GOT1: variants seen among roughly 807,000 people sequenced by gnomAD.
GOT1 encodes the protein aspartate aminotransferase, cytoplasmic.
Under a neutral mutation model 48.2 loss-of-function variants are expected in GOT1, and 25 were observed. That is an observed-to-expected ratio of 0.52 (90% CI 0.38 to 0.72). The LOEUF (loss-of-function observed/expected upper bound fraction) is 0.72. Ranked by LOEUF, GOT1 falls within the 30% of genes least tolerant of loss-of-function variation. GOT1 has a pLI of 0.00. For missense variants in GOT1, 380 were observed against 520.1 expected (o/e 0.73, Z 2.62); for synonymous variants, 188 against 193.8 (o/e 0.97, Z 0.25).
chr10:99,430,568 CGA>C lies in GOT1; in HGVS notation c.-5_-4del, dbSNP rs1487607515. The C allele has an allele frequency of 3.8e-6, 6 of 1,592,566 alleles. No individual in the cohort carries two copies. The highest frequency in any genetic ancestry group is 5.1e-6 in the Non-Finnish European group (6 of 1,167,896). On this transcript the variant is annotated 5_prime_UTR_variant, in exon 1 of 9. Transcript: ENST00000370508. ...GCAAAGACTGACGGAGGTGCCATAT[CGA>C]GAGACTAGGAATCAAGAGATTTCAC...
rs2032614729 is a variant in GOT1, at chr10:99,397,396, T to TG, written c.*150dup. The stretch of plus-strand genomic sequence containing the variant: ...CGTCTCAAGGGATGTTCTCTTCATG[T>TG]GGGGCCGGTTTAAACAGAGGCTGCC... On this transcript the variant is annotated 3_prime_UTR_variant, in exon 9 of 9. Transcript: ENST00000370508. The surrounding 1 kb of genome is among the most constrained non-coding windows in gnomAD (Gnocchi z 5.4). 1 of 764,910 alleles carries TG rather than the reference T, an allele frequency of 1.3e-6. No homozygotes were observed. The highest frequency in any genetic ancestry group is 2.2e-6 in the Non-Finnish European group (1 of 448,758). 47.4% of individuals were successfully genotyped at this position (764,910 alleles called of 1,614,324 possible). A position where few individuals can be genotyped will look rare whatever the true frequency, so the allele number is the denominator to read the frequency against.
chr10:99,426,005 T>C (rs1452289257), intron 1 of GOT1, among the ~76,000 whole-genome samples: 1 of 152,192 alleles, frequency 6.6e-6, no homozygotes, highest in Non-Finnish European at 1.5e-5. Context: ...ACCCACAAAA[T>C]AGATATTGTG....
chr10:99,400,258 TAAC>T (rs2032654327), intron 8 of GOT1, among the ~76,000 whole-genome samples: 1 of 152,236 alleles, frequency 6.6e-6, no homozygotes, highest in African/African-American at 2.4e-5. Context: ...AGAAAAAAGA[TAAC>T]AAAGGAAGTA....
At chr10:99,410,538 T>C (rs1451832195) in intron 2 of GOT1, among the ~76,000 whole-genome samples, 1 of 152,222 alleles carries the variant, frequency 6.6e-6, no homozygotes, top group African/African-American at 2.4e-5. Context: ...ATAAACCCAC[T>C]CCACATTAAC....
Position 99,397,754 on chromosome 10 carries a change from TTA to T in GOT1, c.1103-70_1103-69del, listed in dbSNP as rs1280385852. Reference sequence around the variant, plus strand: ...CCTTAAAGCAGTGGAGGCTCAGCAATTATATGACAATTACAGCTTTACTTCTT... The same window carrying T: ...CCTTAAAGCAGTGGAGGCTCAGCAATTATGACAATTACAGCTTTACTTCTT... On this transcript the variant is annotated intron_variant, in intron 8 of 8. Transcript: ENST00000370508. This position sits in a 1 kb window ranked among gnomAD's most constrained non-coding sequence, Gnocchi z 5.4. 4.9e-6 allele frequency: 7 copies of T among 1,441,838 alleles called. No homozygotes were observed. Among genetic ancestry groups the T allele is most frequent in the Non-Finnish European group, 3.9e-6 (4 of 1,028,160 alleles). The allele number at this position is 1,441,838 out of a possible 1,614,324, so 89.3% of individuals were successfully genotyped here. A position where few individuals can be genotyped will look rare whatever the true frequency, so the allele number is the denominator to read the frequency against.
intron 2 of GOT1, among the ~76,000 whole-genome samples, chr10:99,410,866 C>A (rs776424807): frequency 7.2e-5 from 11 of 152,154 alleles, no homozygotes; most frequent in Non-Finnish European, 1.5e-4. Context: ...CAAGAGTATC[C>A]AGAACAAGGG....
At chr10:99,399,850 G>C (rs1257906059) in intron 8 of GOT1, among the ~76,000 whole-genome samples, 2 of 152,152 alleles carry the variant, frequency 1.3e-5, no homozygotes, top group African/African-American at 2.4e-5. Flanking sequence ...CAAACTTTCA[G>C]AGGGCAAAGG....
chr10:99,430,390 T>C (rs1398632332), intron 1 of GOT1, 58 bp downstream of exon 1: 3 of 1,606,008 alleles, frequency 1.9e-6, no homozygotes, highest in Admixed American at 1.7e-5. Flanking sequence ...CTCCACGACC[T>C]GGGTTGGGTC....
chr10:99,404,746 G>A lies in GOT1; in HGVS notation c.643-872C>T, dbSNP rs7918062. ...CGACATCCAAGATTTCAGTGGCTCC[G>A]CACTGCCCTGAGAATAAAGTCCAAG... On this transcript the variant is annotated intron_variant, in intron 5 of 8. Transcript: ENST00000370508. Among the ~76,000 whole-genome samples the A allele has an allele frequency of 5.3e-5, 8 of 151,912 alleles. 1 individual carries two copies. Among genetic ancestry groups the A allele is most frequent in the South Asian group, 4.2e-4 (2 of 4,810 alleles).
At chr10:99,406,048 A>G in intron 4 of GOT1, 89 bp downstream of exon 4, 1 of 907,410 alleles carries the variant, frequency 1.1e-6, no homozygotes, top group Non-Finnish European at 1.8e-6. Flanking sequence ...AAGGTGTCTC[A>G]GACTCCTTCA....
At chr10:99,407,022 C>G (rs1408625504) in intron 2 of GOT1, among the ~76,000 whole-genome samples, 173 bp from the exon 3 acceptor site, 1 of 152,194 alleles carries the variant, frequency 6.6e-6, no homozygotes, top group Non-Finnish European at 1.5e-5. Flanking sequence ...ATGATTTGCC[C>G]ATGTTTACAA....
At chr10:99,424,843 T>A (rs2033018409) in intron 1 of GOT1, among the ~76,000 whole-genome samples, 1 of 152,202 alleles carries the variant, frequency 6.6e-6, no homozygotes, top group African/African-American at 2.4e-5. Flanking sequence ...ACTGCCCTAG[T>A]GAAGCAGAAC....
intron 2 of GOT1, among the ~76,000 whole-genome samples, chr10:99,414,065 A>G (rs1168706594): frequency 4.6e-5 from 7 of 152,140 alleles, no homozygotes; most frequent in Non-Finnish European, 1.0e-4. Flanking sequence ...ACATCATAAT[A>G]ACAGGATCAA....
At chr10:99,400,249 G>GA (rs1161517148) in intron 8 of GOT1, among the ~76,000 whole-genome samples, 1 of 152,156 alleles carries the variant, frequency 6.6e-6, no homozygotes, top group Non-Finnish European at 1.5e-5. Context: ...CATTCTGACA[G>GA]AAAAAAGATA....
intron 5 of GOT1, among the ~76,000 whole-genome samples, chr10:99,404,846 T>C (rs2032732790): frequency 6.6e-6 from 1 of 152,198 alleles, no homozygotes; most frequent in Non-Finnish European, 1.5e-5. Flanking sequence ...CTGGGGCTTC[T>C]GACCATGCTC....
At position 99,403,808 on chromosome 10, in the gene GOT1, C is replaced by A; in HGVS notation, c.709G>T (p.Asp237Tyr). The A allele has an allele frequency of 6.2e-7, 1 of 1,614,136 alleles. No individual in the cohort carries two copies. The highest frequency in any genetic ancestry group is 1.1e-5 in the South Asian group (1 of 91,078). Reference sequence around the variant, plus strand: ...ACAAAATAGCGAATGGCCCAGGCATCTCTCTCCAGGTTTCCAGATGCGAAG... The same window carrying A: ...ACAAAATAGCGAATGGCCCAGGCATATCTCTCCAGGTTTCCAGATGCGAAG... Reference protein sequence around the residue: ...QGFASGNLERDAWAIRYFVSE... With the variant: ...QGFASGNLERYAWAIRYFVSE... The change falls in exon 6 of 9, where the codon GAT becomes TAT. Residue 237 changes from aspartate (D) to tyrosine (Y), a missense_variant. Transcript: ENST00000370508.
chr10:99,404,724 C>T (rs931041127), intron 5 of GOT1, among the ~76,000 whole-genome samples: 2 of 152,178 alleles, frequency 1.3e-5, no homozygotes, highest in African/African-American at 2.4e-5. Context: ...CACTCCCCGA[C>T]ATCCAAGATT....
chr10:99,406,730 G>A lies in GOT1; in HGVS notation c.420C>T (p.Thr140=). The change falls in exon 3 of 9, where the codon ACC becomes ACT. Residue 140 remains threonine (T), a synonymous_variant. Coordinates refer to ENST00000370508, the MANE Select transcript of GOT1 (RefSeq NM_002079.3). ...CACTTCAGCTGAAAGACTCACCCCA[G>A]GTTGGTGAGGACACATAGACAGGTG... ...KNTPVYVSSP[T]WENHNAVFSA... 1.2e-6 allele frequency: 2 copies of A among 1,613,238 alleles called. No individual in the cohort carries two copies. Among genetic ancestry groups the A allele is most frequent in the Non-Finnish European group, 1.7e-6 (2 of 1,179,300 alleles).
In GOT1 at chr10:99,401,952, C is replaced by T. The variant is rs533064293; in HGVS notation, c.1102+628G>A. Reference sequence around the variant, plus strand: ...TCTCCCTAGTAGCTGGGACTACAGGCGCCTGCCACCACGCCCGGCTAATTT... The same window carrying T: ...TCTCCCTAGTAGCTGGGACTACAGGTGCCTGCCACCACGCCCGGCTAATTT... On this transcript the variant is annotated intron_variant, in intron 8 of 8. Transcript: ENST00000370508. 1.7e-3 allele frequency among the ~76,000 whole-genome samples: 255 copies of T among 151,940 alleles called. 3 individuals carry two copies. The highest frequency in any genetic ancestry group is 5.9e-3 in the African/African-American group (243 of 41,476).
Sources: allele counts gnomAD v4.1 joint callset (sites outside exome capture counted in the v4.1 genomes callset), GRCh38; gene constraint gnomAD v4.1.1; non-coding constraint Gnocchi (gnomAD v3.1); transcripts MANE v1.5; gene names NCBI Gene and HGNC (gene_info 2026-07-23, HGNC 2026-07-21).